TRPM2: variants seen among roughly 807,000 people sequenced by gnomAD.
The protein encoded by TRPM2 is estrogen-responsive element-associated gene 1 protein.
In TRPM2, 161 loss-of-function variants were observed where a neutral mutation model predicts 174.0. The observed-to-expected ratio is 0.93, with a 90% confidence interval of 0.81 to 1.05. The LOEUF is 1.05. Among genes scored for constraint, TRPM2 ranks in the 50% least tolerant of loss-of-function variants. The pLI is 0.00. For missense variants in TRPM2, 2,057 were observed against 2,038.0 expected (o/e 1.01, Z -0.18); for synonymous variants, 954 against 861.3 (o/e 1.11, Z -1.88).
At chr21:44,412,836 A>T (rs1785460) in intron 19 of TRPM2, among the ~76,000 whole-genome samples, 109,585 of 151,790 alleles carry the variant, frequency 0.72, 39,879 homozygotes, top group Middle Eastern at 0.77. Context: ...GCTCTTCTTT[A>T]TTAATATAGG....
chr21:44,358,993 C>T (rs1341143297), intron 2 of TRPM2, among the ~76,000 whole-genome samples: 2 of 152,210 alleles, frequency 1.3e-5, no homozygotes, highest in Non-Finnish European at 1.5e-5. Flanking sequence ...GAGGGGTGGC[C>T]AGCTTTTATT....
At chr21:44,427,708 G>A (rs535498046) in intron 27 of TRPM2, among the ~76,000 whole-genome samples, 3 of 152,298 alleles carry the variant, frequency 2.0e-5, no homozygotes, top group African/African-American at 7.2e-5. Flanking sequence ...ATGAACCATG[G>A]AGCAGAGGAA....
In TRPM2 at chr21:44,426,683, A is replaced by C. The variant is rs1164549125; in HGVS notation, c.3819A>C (p.Pro1273=). The C allele has an allele frequency of 2.5e-6, 4 of 1,613,856 alleles. No individual in the cohort carries two copies. The African/African-American group carries it at 5.3e-5, about 22-fold the overall frequency. ...AGACGGAGTTCCTGATCTATGACCCACCCTTTTACACGGCAGAGAGGAAGG... is the reference window on the plus strand; with the variant it reads ...AGACGGAGTTCCTGATCTATGACCCCCCCTTTTACACGGCAGAGAGGAAGG... ...PWETEFLIYD[P]PFYTAERKDA... The change falls in exon 26 of 32, where the codon CCA becomes CCC. Residue 1273 remains proline, a synonymous_variant. Coordinates refer to ENST00000397928, the MANE Select transcript of TRPM2 (RefSeq NM_003307.4).
At chr21:44,364,004 T>A (rs1172000511) in intron 2 of TRPM2, 110 bp from the exon 3 acceptor site, 3 of 1,243,356 alleles carry the variant, frequency 2.4e-6, no homozygotes, top group Non-Finnish European at 3.3e-6. Flanking sequence ...GTGCTTTGTT[T>A]TTGCTGGGTG....
chr21:44,399,588 C>A lies in TRPM2; in HGVS notation c.2208+147C>A. 1 of 1,129,884 alleles carries A rather than the reference C, an allele frequency of 8.9e-7. No individual in the cohort carries two copies. The highest frequency in any genetic ancestry group is 2.9e-5 in the East Asian group (1 of 34,248). 70.0% of individuals were successfully genotyped at this position (1,129,884 alleles called of 1,614,324 possible). ...GGGACAGCGCCTGACCCCTCGGCCA[C>A]CTGCTCCAGGCTCTGGCCTCCCATT... On this transcript the variant is annotated intron_variant, in intron 14 of 31. Coordinates refer to ENST00000397928, the MANE Select transcript of TRPM2 (RefSeq NM_003307.4). This position sits in a 1 kb window ranked among gnomAD's most constrained non-coding sequence, Gnocchi z 4.6.
chr21:44,395,479 C>T lies in TRPM2; in HGVS notation c.1860C>T (p.Asp620=). Residue 620 remains aspartate (D), a synonymous_variant, in exon 12 of 32, where the codon GAC becomes GAT. Coordinates refer to ENST00000397928, the MANE Select transcript of TRPM2 (RefSeq NM_003307.4). ...RSSGHVTFTM[D]PIRDLLIWAI... ...CAGGCCATGTGACCTTCACCATGGA[C>T]CCCATCCGTGACCTTCTCATTTGGG... is the stretch of plus-strand genomic sequence containing the variant. 1 of 1,613,098 alleles carries T rather than the reference C, an allele frequency of 6.2e-7. No individual in the cohort carries two copies. The highest frequency in any genetic ancestry group is 1.1e-5 in the South Asian group (1 of 91,082).
intron 18 of TRPM2, 61 bp from the exon 19 acceptor site, chr21:44,406,533 T>C (rs1286834090): frequency 1.3e-6 from 2 of 1,538,546 alleles, no homozygotes; most frequent in Non-Finnish European, 1.7e-6. Context: ...TGGGCCTGCC[T>C]CTGGGCCCAG....
At chr21:44,363,942 G>A (rs2048285421) in intron 2 of TRPM2, among the ~76,000 whole-genome samples, 172 bp from the exon 3 acceptor site, 1 of 152,198 alleles carries the variant, frequency 6.6e-6, no homozygotes, top group Admixed American at 6.5e-5. Context: ...GGTGAGAAGA[G>A]CTCCAGCCCA....
intron 4 of TRPM2, among the ~76,000 whole-genome samples, chr21:44,368,951 G>T (rs559375420): frequency 1.3e-5 from 2 of 152,210 alleles, no homozygotes; most frequent in Non-Finnish European, 2.9e-5. Flanking sequence ...TGAGGAGGCG[G>T]CAGGGACCGG....
At chr21:44,435,387 G>A (rs1300343807) in intron 28 of TRPM2, among the ~76,000 whole-genome samples, 170 bp downstream of exon 28, 1 of 152,064 alleles carries the variant, frequency 6.6e-6, no homozygotes, top group Non-Finnish European at 1.5e-5. Context: ...ACGTGAATAT[G>A]CCCGAAATGG....
upstream of TRPM2, chr21:44,353,372 G>A (rs142506286): frequency 5.1e-3 from 1,089 of 212,938 alleles, 9 homozygotes; most frequent in African/African-American, 0.023. Flanking sequence ...TCTTTCTCTG[G>A]CCCTGCAGTC....
At chr21:44,435,379 G>A (rs544046547) in intron 28 of TRPM2, among the ~76,000 whole-genome samples, 162 bp downstream of exon 28, 5 of 152,170 alleles carry the variant, frequency 3.3e-5, no homozygotes, top group East Asian at 1.9e-4. Flanking sequence ...GTGGATAAAC[G>A]TGAATATGCC....
intron 9 of TRPM2, among the ~76,000 whole-genome samples, 179 bp downstream of exon 9, chr21:44,382,999 T>C (rs2048927959): frequency 6.6e-6 from 1 of 152,200 alleles, no homozygotes; most frequent in South Asian, 2.1e-4. Context: ...TCACCTGATG[T>C]TAGAGGTATG....
intron 16 of TRPM2, among the ~76,000 whole-genome samples, chr21:44,403,916 CACAT>C (rs1162650532): frequency 3.3e-5 from 5 of 151,708 alleles, no homozygotes; most frequent in African/African-American, 9.7e-5. Context: ...CATGCATACA[CACAT>C]ACACATGTAC....
At position 44,391,130 on chromosome 21, in the gene TRPM2, C is replaced by T; in HGVS notation, c.1440+105C>T. On this transcript the variant is annotated intron_variant, in intron 10 of 31. Transcript: ENST00000397928. The surrounding 1 kb of genome is among the most constrained non-coding windows in gnomAD (Gnocchi z 5.0). Reference sequence around the variant, plus strand: ...TCGCATTGTCTGGATCCCAGCCCTTCCCTTGAGGGTGGGTGACCTGGGCAG... The same window carrying T: ...TCGCATTGTCTGGATCCCAGCCCTTTCCTTGAGGGTGGGTGACCTGGGCAG... The T allele has an allele frequency of 6.4e-7, 1 of 1,571,462 alleles. No individual in the cohort carries two copies.
intron 7 of TRPM2, 78 bp downstream of exon 7, chr21:44,377,851 T>C: frequency 6.6e-7 from 1 of 1,525,108 alleles, no homozygotes. Context: ...AGTGCTTGTC[T>C]CAGAACTCAA....
At chr21:44,430,193 A>T (rs1435575646) in intron 27 of TRPM2, among the ~76,000 whole-genome samples, 6 of 152,194 alleles carry the variant, frequency 3.9e-5, no homozygotes, top group African/African-American at 1.4e-4. Context: ...CTGTGTTCAA[A>T]AGTGGAATTT....
chr21:44,425,196 GCTCCC>G, intron 24 of TRPM2: 1 of 524,416 alleles, frequency 1.9e-6, no homozygotes, highest in Non-Finnish European at 3.4e-6. Context: ...TGTGCCCTGA[GCTCCC>G]CACATACCGC....
chr21:44,375,552 C>T (rs1259017639), intron 5 of TRPM2, among the ~76,000 whole-genome samples: 2 of 152,242 alleles, frequency 1.3e-5, no homozygotes, highest in Non-Finnish European at 2.9e-5. Flanking sequence ...GGCTATGTCA[C>T]TTGCCCCTGC....
Sources: gnomAD v4.1 joint callset for allele counts (sites outside exome capture counted in the v4.1 genomes callset) on GRCh38, gnomAD v4.1.1 for gene constraint, Gnocchi (gnomAD v3.1) non-coding constraint, MANE v1.5 for transcripts, NCBI Gene and HGNC (gene_info 2026-07-23, HGNC 2026-07-21) for gene names.